B3GALT1: variants seen among roughly 807,000 people sequenced by gnomAD.
B3GALT1 encodes beta-1,3-galactosyltransferase 1, also known as UDP-Gal:betaGlcNAc beta 1,3-galactosyltransferase, polypeptide 1.
In B3GALT1, 10 loss-of-function variants were observed where a neutral mutation model predicts 23.2. That is an observed-to-expected ratio of 0.43 (90% CI 0.27 to 0.73). The LOEUF (loss-of-function observed/expected upper bound fraction) is 0.73. Among genes scored for constraint, B3GALT1 ranks in the 30% least tolerant of loss-of-function variants. The pLI, the probability that B3GALT1 is intolerant of heterozygous loss-of-function variation, is 0.21. For synonymous variants in B3GALT1, 156 were observed against 141.5 expected (o/e 1.10, Z -0.73); for missense variants, 299 against 405.4 (o/e 0.74, Z 2.25).
chr2:167,317,426 T>C (rs2105490428), intron 1 of B3GALT1, among the ~76,000 whole-genome samples: 1 of 152,208 alleles, frequency 6.6e-6, no homozygotes, highest in Middle Eastern at 3.4e-3. Flanking sequence ...AGTCACATTG[T>C]TCCTGGAGGT....
At chr2:167,614,749 T>TAATGCA (rs1009080551) in intron 2 of B3GALT1, among the ~76,000 whole-genome samples, 2 of 152,036 alleles carry the variant, frequency 1.3e-5, no homozygotes, top group Admixed American at 6.6e-5. Flanking sequence ...TTTATAATTA[T>TAATGCA]AATGCAAATG....
At chr2:167,857,367 A>G (rs1690018226) in intron 4 of B3GALT1, among the ~76,000 whole-genome samples, 1 of 152,122 alleles carries the variant, frequency 6.6e-6, no homozygotes, top group South Asian at 2.1e-4. Flanking sequence ...GCATAGCCTG[A>G]AAGAGTTTCA....
intron 3 of B3GALT1, among the ~76,000 whole-genome samples, chr2:167,746,197 AT>A (rs11327899): frequency 0.082 from 12,511 of 152,182 alleles, 1,092 homozygotes; most frequent in African/African-American, 0.19. Context: ...TATCTATAAA[AT>A]TCATGCTGTG....
intron 1 of B3GALT1, among the ~76,000 whole-genome samples, chr2:167,361,587 T>C (rs769950965): frequency 1.3e-4 from 20 of 152,220 alleles, no homozygotes; most frequent in Non-Finnish European, 2.6e-4. Flanking sequence ...GAACAAAAAC[T>C]CCAAAAGGAC....
chr2:167,386,557 T>TC (rs1164742274), intron 1 of B3GALT1, among the ~76,000 whole-genome samples: 1 of 152,146 alleles, frequency 6.6e-6, no homozygotes, highest in Non-Finnish European at 1.5e-5. Context: ...ATTTTTTTTT[T>TC]CTGAAAGTTT....
chr2:167,832,996 C>G (rs1347048669), intron 4 of B3GALT1, among the ~76,000 whole-genome samples: 1 of 152,150 alleles, frequency 6.6e-6, no homozygotes, highest in Non-Finnish European at 1.5e-5. Flanking sequence ...GAAGCAAGTT[C>G]AATGGAGCAA....
At chr2:167,650,843 A>C (rs757032568) in intron 3 of B3GALT1, among the ~76,000 whole-genome samples, 18 of 152,124 alleles carry the variant, frequency 1.2e-4, no homozygotes, top group Non-Finnish European at 2.2e-4. Context: ...CAAAGAAGAA[A>C]TACTCCCTCT....
At chr2:167,604,734 G>T (rs924242884) in intron 2 of B3GALT1, among the ~76,000 whole-genome samples, 4 of 152,136 alleles carry the variant, frequency 2.6e-5, no homozygotes, top group African/African-American at 2.4e-5. Flanking sequence ...AAAAAGGAGA[G>T]GCAGGAAGCC....
At chr2:167,714,487 C>T (rs1295861075) in intron 3 of B3GALT1, 1 of 1,606,678 alleles carries the variant, frequency 6.2e-7, no homozygotes, top group East Asian at 2.2e-5. Context: ...CAGATGAAGG[C>T]TGACCCAACG....
intron 1 of B3GALT1, among the ~76,000 whole-genome samples, chr2:167,332,432 G>T (rs1696988621): frequency 6.6e-6 from 1 of 152,168 alleles, no homozygotes; most frequent in Non-Finnish European, 1.5e-5. Context: ...ACAGTGTTAG[G>T]TTGCTAAATA....
chr2:167,781,337 G>C (rs1017469454), intron 3 of B3GALT1, among the ~76,000 whole-genome samples: 5 of 152,152 alleles, frequency 3.3e-5, no homozygotes, highest in Non-Finnish European at 5.9e-5. Context: ...ACTCCTCCTA[G>C]AAAATATGGC....
At chr2:167,826,506 G>A (rs1689232892) in intron 4 of B3GALT1, among the ~76,000 whole-genome samples, 1 of 152,156 alleles carries the variant, frequency 6.6e-6, no homozygotes, top group South Asian at 2.1e-4. Flanking sequence ...GGTCTCTGAG[G>A]CTTAAACCCT....
intron 2 of B3GALT1, among the ~76,000 whole-genome samples, chr2:167,566,294 T>C (rs1684165365): frequency 6.6e-6 from 1 of 151,232 alleles, no homozygotes; most frequent in Non-Finnish European, 1.5e-5. Flanking sequence ...AGATGGGACT[T>C]GAACAATGAG....
intron 3 of B3GALT1, among the ~76,000 whole-genome samples, chr2:167,811,094 A>T (rs1198242859): frequency 6.6e-6 from 1 of 152,212 alleles, no homozygotes; most frequent in Non-Finnish European, 1.5e-5. Flanking sequence ...CCTGGAAAAA[A>T]TAGCATTAAT....
intron 1 of B3GALT1, among the ~76,000 whole-genome samples, chr2:167,332,942 T>A (rs112158027): frequency 6.6e-6 from 1 of 152,234 alleles, no homozygotes; most frequent in Admixed American, 6.5e-5. Context: ...TGTGCAGATA[T>A]ATTTTTTATT....
In B3GALT1 at chr2:167,714,989, G is replaced by T. The variant is rs549180347; in HGVS notation, c.-352+68023G>T. ...TTCTGACTGCAAAGATGCTTGTTGA[G>T]TCTGAAGATTTTTAATATGCTCGGT... On this transcript the variant is annotated intron_variant, in intron 3 of 4. Transcript: ENST00000392690. The T allele has an allele frequency of 4.3e-6, 7 of 1,611,582 alleles. No individual in the cohort carries two copies. The Admixed American group carries it at 6.7e-5, about 15-fold the overall frequency.
chr2:167,589,887 G>A (rs1283878668), intron 2 of B3GALT1, among the ~76,000 whole-genome samples: 1 of 152,000 alleles, frequency 6.6e-6, no homozygotes, highest in African/African-American at 2.4e-5. Flanking sequence ...CAAAACTTGG[G>A]TTCATCTCCA....
intron 1 of B3GALT1, among the ~76,000 whole-genome samples, chr2:167,342,608 A>T (rs1341834630): frequency 1.3e-5 from 2 of 151,998 alleles, no homozygotes; most frequent in African/African-American, 4.8e-5. Context: ...AAAAAGAAAA[A>T]AAAACAAAAC....
intron 1 of B3GALT1, among the ~76,000 whole-genome samples, chr2:167,448,384 T>C (rs1699036144): frequency 6.6e-6 from 1 of 152,170 alleles, no homozygotes; most frequent in South Asian, 2.1e-4. Flanking sequence ...CTTTTTTTAA[T>C]ATGTTTGTTG....
Sources: gnomAD v4.1 joint callset for allele counts (sites outside exome capture counted in the v4.1 genomes callset) on GRCh38, gnomAD v4.1.1 for gene constraint, MANE v1.5 for transcripts, NCBI Gene and HGNC (gene_info 2026-07-23, HGNC 2026-07-21) for gene names.